ELAVL4: variants seen among roughly 807,000 people sequenced by gnomAD.
The protein encoded by ELAVL4 is ELAV like RNA binding protein 4, also known as ELAV-like protein 4.
Under a neutral mutation model 35.6 loss-of-function variants are expected in ELAVL4, and 1 was observed. That is an observed-to-expected ratio of 0.03 (90% CI 0.01 to 0.13). The LOEUF is 0.13. Ranked by LOEUF, ELAVL4 falls within the 10% of genes least tolerant of loss-of-function variation. The probability of loss-of-function intolerance (pLI) is 1.00; values close to 1 mark genes in which losing one functional copy is unlikely to be tolerated. For synonymous variants in ELAVL4, 156 were observed against 171.0 expected (o/e 0.91, Z 0.69); for missense variants, 267 against 464.9 (o/e 0.57, Z 3.91).
chr1:50,197,940 G>C (rs1247227082), intron 6 of ELAVL4, among the ~76,000 whole-genome samples: 2 of 152,200 alleles, frequency 1.3e-5, no homozygotes, highest in African/African-American at 4.8e-5. Flanking sequence ...ATTAGATTTT[G>C]GACTACCAGC....
At chr1:50,062,022 C>T (rs1206095861) in intron 1 of ELAVL4, among the ~76,000 whole-genome samples, 1 of 152,180 alleles carries the variant, frequency 6.6e-6, no homozygotes, top group African/African-American at 2.4e-5. Context: ...AGAGAAATGG[C>T]TCAAGGTGTC....
intron 1 of ELAVL4, among the ~76,000 whole-genome samples, chr1:50,057,082 G>C (rs1663717262): frequency 6.6e-6 from 1 of 152,124 alleles, no homozygotes; most frequent in Non-Finnish European, 1.5e-5. Flanking sequence ...AGACCTTCTA[G>C]TGGAACAAGA....
intron 2 of ELAVL4, among the ~76,000 whole-genome samples, chr1:50,169,888 A>AT (rs1482779907): frequency 1.3e-5 from 2 of 151,994 alleles, no homozygotes; most frequent in Non-Finnish European, 2.9e-5. Flanking sequence ...TATATGTATT[A>AT]TTTTTTCTGG....
At chr1:50,178,703 A>G (rs983475821) in intron 3 of ELAVL4, among the ~76,000 whole-genome samples, 1 of 152,184 alleles carries the variant, frequency 6.6e-6, no homozygotes, top group Non-Finnish European at 1.5e-5. Flanking sequence ...AAGTAAAAAC[A>G]TACCTATTTT....
chr1:50,165,724 AC>A lies in ELAVL4; in HGVS notation c.251-11364del, dbSNP rs1677722953. Among the ~76,000 whole-genome samples the A allele has an allele frequency of 2.0e-5, 3 of 146,744 alleles. No homozygotes were observed. In the South Asian group the frequency reaches 6.7e-4, roughly 33 times the overall value. On this transcript the variant is annotated intron_variant, in intron 2 of 6. Coordinates refer to ENST00000371824, the MANE Select transcript of ELAVL4 (RefSeq NM_001144774.3). ...TACATATATACTTATATATGTATAT[AC>A]ATGTATATGTGTGTATATATACATA...
At chr1:50,147,574 G>T (rs1673946436) in intron 2 of ELAVL4, among the ~76,000 whole-genome samples, 1 of 152,168 alleles carries the variant, frequency 6.6e-6, no homozygotes, top group Non-Finnish European at 1.5e-5. Context: ...TCACAATGCA[G>T]GCTGGAAGAG....
intron 2 of ELAVL4, chr1:50,175,619 A>G (rs1679885685): frequency 6.6e-6 from 1 of 152,146 alleles, no homozygotes; most frequent in Non-Finnish European, 1.5e-5. Context: ...TGGAAGTGTC[A>G]TTTTGGGTTT....
intron 1 of ELAVL4, among the ~76,000 whole-genome samples, chr1:50,141,151 G>T (rs1672751699): frequency 6.6e-6 from 1 of 152,168 alleles, no homozygotes; most frequent in Non-Finnish European, 1.5e-5. Flanking sequence ...GAAAACGAAA[G>T]ATGAACCTGA....
intron 3 of ELAVL4, among the ~76,000 whole-genome samples, chr1:50,178,007 G>T (rs143165515): frequency 3.9e-4 from 60 of 152,280 alleles, no homozygotes; most frequent in African/African-American, 1.3e-3. Context: ...GGATCCTTCA[G>T]GAGGTAGTGC....
chr1:50,132,712 G>T (rs1671067221), intron 1 of ELAVL4, among the ~76,000 whole-genome samples: 1 of 152,140 alleles, frequency 6.6e-6, no homozygotes, highest in African/African-American at 2.4e-5. Flanking sequence ...GATAGCTCTG[G>T]GGAGGAGACA....
intron 1 of ELAVL4, among the ~76,000 whole-genome samples, chr1:50,071,590 C>T (rs1664518376): frequency 6.6e-6 from 1 of 152,174 alleles, no homozygotes; most frequent in Non-Finnish European, 1.5e-5. Flanking sequence ...GCAGGCCTAT[C>T]ACTAGCAGGT....
chr1:50,073,588 T>G (rs1664627843), intron 1 of ELAVL4, among the ~76,000 whole-genome samples: 1 of 152,000 alleles, frequency 6.6e-6, no homozygotes, highest in Non-Finnish European at 1.5e-5. Context: ...GCATTAAAAT[T>G]TATGAAAAAT....
intron 1 of ELAVL4, among the ~76,000 whole-genome samples, chr1:50,128,354 G>A (rs1019261163): frequency 7.2e-5 from 11 of 152,096 alleles, no homozygotes; most frequent in African/African-American, 1.9e-4. Context: ...AGAGATAAGC[G>A]AGGTTTATGG....
Position 50,200,865 on chromosome 1 carries a change from C to T in ELAVL4, c.788C>T (p.Thr263Ile). 6.2e-7 allele frequency: 1 copy of T among 1,613,810 alleles called. No homozygotes were observed. The change falls in exon 7 of 7, where the codon ACC (threonine) becomes ATC (isoleucine). Residue 263 changes from threonine to isoleucine, a missense_variant. Thr to Ile is a moderately conservative substitution (Grantham distance 89). Transcript: ENST00000371824. ...AYGVKRFSPITIDGMTSLVGM... is the reference protein window; with the variant it reads ...AYGVKRFSPIIIDGMTSLVGM... Reference sequence around the variant, plus strand: ...TGTCCCCCCAGGTTCTCCCCAATTACCATTGATGGAATGACAAGCCTTGTG... The same window carrying T: ...TGTCCCCCCAGGTTCTCCCCAATTATCATTGATGGAATGACAAGCCTTGTG...
chr1:50,133,599 A>AAAGAAAAG lies in ELAVL4; in HGVS notation c.10-11356_10-11355insGAAAAGAA, dbSNP rs1460308549. On this transcript the variant is annotated intron_variant, in intron 1 of 6. Transcript: ENST00000371824. Reference sequence around the variant, plus strand: ...GAGAGAGAGAAAGAAAGAAAGAAAGAAAAGAAAGAAAGAAAGAAAGAAAGA... The same window carrying AAAGAAAAG: ...GAGAGAGAGAAAGAAAGAAAGAAAGAAAGAAAAGAAAGAAAGAAAGAAAGAAAGAAAGA... 2.6e-4 allele frequency among the ~76,000 whole-genome samples: 34 copies of AAAGAAAAG among 129,262 alleles called. No homozygotes were observed. The South Asian group carries it at 2.7e-3, about 10-fold the overall frequency. The allele number at this position is 129,262 out of a possible 152,430, so 84.8% of individuals were successfully genotyped here. A position where few individuals can be genotyped will look rare whatever the true frequency, so the allele number is the denominator to read the frequency against.
chr1:50,149,234 C>G (rs557424427), intron 2 of ELAVL4, among the ~76,000 whole-genome samples: 15 of 151,998 alleles, frequency 9.9e-5, no homozygotes, highest in Admixed American at 2.0e-4. Context: ...CCCGTCTCTA[C>G]TAAAAATACA....
intron 1 of ELAVL4, among the ~76,000 whole-genome samples, chr1:50,058,263 A>G (rs1663781773): frequency 6.6e-6 from 1 of 152,212 alleles, no homozygotes; most frequent in Non-Finnish European, 1.5e-5. Flanking sequence ...TTAAATTTAC[A>G]AAACCAAATT....
At chr1:50,126,717 A>G (rs940974987) in intron 1 of ELAVL4, among the ~76,000 whole-genome samples, 3 of 152,132 alleles carry the variant, frequency 2.0e-5, no homozygotes, top group South Asian at 2.1e-4. Flanking sequence ...GAAAGAGAGA[A>G]AAAAGCACAG....
chr1:50,193,196 C>CTT (rs1304664398), intron 3 of ELAVL4, among the ~76,000 whole-genome samples: 1 of 152,094 alleles, frequency 6.6e-6, no homozygotes, highest in African/African-American at 2.4e-5. Flanking sequence ...TTCACCAGCA[C>CTT]TTTGTCATTT....
Sources: allele counts gnomAD v4.1 joint callset (sites outside exome capture counted in the v4.1 genomes callset), GRCh38; gene constraint gnomAD v4.1.1; transcripts MANE v1.5; gene names NCBI Gene and HGNC (gene_info 2026-07-23, HGNC 2026-07-21).